The following GALNTL6 variants were observed in gnomAD, a reference collection of about 807,000 sequenced individuals.
GALNTL6 encodes the protein polypeptide N-acetylgalactosaminyltransferase like 6.
GALNTL6 carries 46 observed loss-of-function variants against 73.7 expected under a neutral mutation model. The observed-to-expected ratio is 0.62, with a 90% CI of 0.49 to 0.80. The LOEUF is 0.80. GALNTL6 is among the 30% of genes least tolerant of loss of function. The pLI, the probability that GALNTL6 is intolerant of heterozygous loss-of-function variation, is 0.00. For synonymous variants in GALNTL6, 259 were observed against 263.7 expected, an observed-to-expected ratio of 0.98 and a Z score of 0.17; for missense variants, 604 against 755.0, an observed-to-expected ratio of 0.80 and a Z score of 2.34.
chr4:172,164,221 AACAGACC>A (rs958508378), intron 2 of GALNTL6, among the ~76,000 whole-genome samples: 9 of 152,078 alleles, frequency 5.9e-5, no homozygotes, highest in African/African-American at 2.2e-4. Context: ...TCAAACAAAA[AACAGACC>A]ACCTGGAGCT....
chr4:172,661,619 G>T (rs1171217978), intron 5 of GALNTL6, among the ~76,000 whole-genome samples: 2 of 152,140 alleles, frequency 1.3e-5, no homozygotes, highest in African/African-American at 4.8e-5. Flanking sequence ...AGAAGCAATT[G>T]TTATAGTATA....
chr4:172,777,009 T>C (rs1739112756), intron 5 of GALNTL6, among the ~76,000 whole-genome samples: 1 of 152,214 alleles, frequency 6.6e-6, no homozygotes, highest in African/African-American at 2.4e-5. Flanking sequence ...TCCCCCAAGC[T>C]AATTAATCTA....
At chr4:172,580,937 T>C (rs550109272) in intron 5 of GALNTL6, among the ~76,000 whole-genome samples, 97 of 152,282 alleles carry the variant, frequency 6.4e-4, no homozygotes, top group Non-Finnish European at 1.2e-3. Context: ...AATTTTTGTA[T>C]TTTTAGTAAA....
chr4:172,288,683 A>T (rs542685935), intron 3 of GALNTL6, among the ~76,000 whole-genome samples: 284 of 152,312 alleles, frequency 1.9e-3, no homozygotes, highest in African/African-American at 6.6e-3. Flanking sequence ...CATAATAAGT[A>T]TGTAATAAAT....
At chr4:171,988,795 A>G (rs1004077215) in intron 2 of GALNTL6, among the ~76,000 whole-genome samples, 56 of 152,086 alleles carry the variant, frequency 3.7e-4, no homozygotes, top group East Asian at 1.9e-3. Flanking sequence ...GCCGGGTAAG[A>G]GTGATTAAGT....
chr4:172,710,041 T>A (rs1734602498), intron 5 of GALNTL6, among the ~76,000 whole-genome samples: 1 of 152,076 alleles, frequency 6.6e-6, no homozygotes, highest in Non-Finnish European at 1.5e-5. Context: ...AGTAAACATA[T>A]GAAAAGCATT....
chr4:172,600,651 C>G (rs1222198418), intron 5 of GALNTL6, among the ~76,000 whole-genome samples: 1 of 152,074 alleles, frequency 6.6e-6, no homozygotes, highest in African/African-American at 2.4e-5. Flanking sequence ...TGAATAATTT[C>G]CAAGAGTATA....
At chr4:172,760,701 C>T (rs770009874) in intron 5 of GALNTL6, among the ~76,000 whole-genome samples, 44 of 152,148 alleles carry the variant, frequency 2.9e-4, no homozygotes, top group Non-Finnish European at 5.4e-4. Context: ...TGCCCTTCAG[C>T]CAGCTGCACT....
intron 5 of GALNTL6, among the ~76,000 whole-genome samples, chr4:172,456,104 G>A (rs182840603): frequency 1.3e-4 from 20 of 152,302 alleles, no homozygotes; most frequent in Admixed American, 9.8e-4. Context: ...TTGCAGCAGA[G>A]GGACCTGACT....
intron 2 of GALNTL6, 164 bp downstream of exon 2, chr4:171,814,882 G>A: frequency 1.6e-6 from 1 of 641,964 alleles, no homozygotes; most frequent in Non-Finnish European, 2.7e-6. Flanking sequence ...GCAAGTAGAT[G>A]TTTTAAGATT....
At position 171,838,641 on chromosome 4, in the gene GALNTL6, ATTAG is replaced by A. The variant is rs558306697; in HGVS notation, c.138+23925_138+23928del. On this transcript the variant is annotated intron_variant, in intron 2 of 12. Transcript: ENST00000506823. The stretch of plus-strand genomic sequence containing the variant: ...TCATTTCAAAATATGAGTTTCTAAC[ATTAG>A]TCCGAGGTGCTTTTTCATATCTCCG... 7.5e-4 allele frequency among the ~76,000 whole-genome samples: 114 copies of A among 152,298 alleles called. 2 individuals carry two copies. In the South Asian group the frequency reaches 0.023, roughly 31 times the overall value.
chr4:172,264,263 C>T (rs894889185), intron 3 of GALNTL6, among the ~76,000 whole-genome samples: 16 of 151,332 alleles, frequency 1.1e-4, no homozygotes, highest in African/African-American at 3.9e-4. Flanking sequence ...TGGGTCTTAA[C>T]TTCATGCAGT....
chr4:172,065,755 C>T (rs924532279), intron 2 of GALNTL6, among the ~76,000 whole-genome samples: 27 of 152,064 alleles, frequency 1.8e-4, no homozygotes, highest in Admixed American at 1.3e-3. Flanking sequence ...TTCACGGTTC[C>T]GCAAGGCTGG....
chr4:172,466,035 A>G (rs2111452723), intron 5 of GALNTL6, among the ~76,000 whole-genome samples: 1 of 152,290 alleles, frequency 6.6e-6, no homozygotes, highest in Non-Finnish European at 1.5e-5. Flanking sequence ...TACTAAAATC[A>G]TTGAGTGTGT....
intron 2 of GALNTL6, among the ~76,000 whole-genome samples, chr4:172,176,924 T>C (rs1346582832): frequency 1.3e-5 from 2 of 152,230 alleles, no homozygotes; most frequent in Non-Finnish European, 2.9e-5. Context: ...CTTATGTATT[T>C]TAATACCCTA....
intron 5 of GALNTL6, among the ~76,000 whole-genome samples, chr4:172,660,792 A>G (rs1731327220): frequency 6.6e-6 from 1 of 152,186 alleles, no homozygotes; most frequent in Non-Finnish European, 1.5e-5. Flanking sequence ...GCTATAGAGG[A>G]AGGAAGAAAT....
chr4:172,418,266 G>A (rs1032524166), intron 5 of GALNTL6, among the ~76,000 whole-genome samples: 1 of 152,082 alleles, frequency 6.6e-6, no homozygotes, highest in Non-Finnish European at 1.5e-5. Flanking sequence ...CTTCTTCTAT[G>A]TTCAGCAATA....
intron 5 of GALNTL6, among the ~76,000 whole-genome samples, chr4:172,785,410 CTATTA>C (rs975435458): frequency 3.8e-4 from 58 of 152,120 alleles, no homozygotes; most frequent in African/African-American, 1.3e-3. Context: ...TAATGATTTT[CTATTA>C]TAAGTAAAGG....
intron 10 of GALNTL6, among the ~76,000 whole-genome samples, chr4:172,963,419 AT>A (rs966848547): frequency 1.3e-5 from 2 of 152,060 alleles, no homozygotes; most frequent in Non-Finnish European, 1.5e-5. Flanking sequence ...CATGTAATTT[AT>A]TTTTTTATCA....
Sources: gnomAD v4.1 joint callset for allele counts (sites outside exome capture counted in the v4.1 genomes callset) on GRCh38, gnomAD v4.1.1 for gene constraint, MANE v1.5 for transcripts, NCBI Gene and HGNC (gene_info 2026-07-23, HGNC 2026-07-21) for gene names.